The following ROCK2 variants were observed in gnomAD, a reference collection of about 807,000 sequenced individuals.
ROCK2 encodes the protein rho-associated protein kinase 2.
In ROCK2, 61 loss-of-function variants were observed where a neutral mutation model predicts 195.1. The observed-to-expected ratio is 0.31, with a 90% CI of 0.25 to 0.39. The LOEUF (loss-of-function observed/expected upper bound fraction) is 0.39, where lower values mean the gene tolerates loss of function less well. ROCK2 is among the 10% of genes least tolerant of loss of function. ROCK2 has a pLI of 1.00. For synonymous variants in ROCK2, 504 were observed against 545.5 expected, an observed-to-expected ratio of 0.92 and a Z score of 1.06; for missense variants, 1,109 against 1,637.4, an observed-to-expected ratio of 0.68 and a Z score of 5.57.
At chr2:11,342,193 C>T (rs533766092) in intron 1 of ROCK2, among the ~76,000 whole-genome samples, 59 of 152,262 alleles carry the variant, frequency 3.9e-4, no homozygotes, top group Non-Finnish European at 5.6e-4. Context: ...GCATATTTAA[C>T]CAACTAGAAA....
At chr2:11,224,823 G>A (rs796641205) in intron 6 of ROCK2, among the ~76,000 whole-genome samples, 15 of 151,938 alleles carry the variant, frequency 9.9e-5, no homozygotes, top group African/African-American at 3.6e-4. Flanking sequence ...TAATGCTTGG[G>A]CTGGATCAGC....
chr2:11,206,178 C>A (rs1664045440), intron 20 of ROCK2, among the ~76,000 whole-genome samples: 1 of 151,770 alleles, frequency 6.6e-6, no homozygotes, highest in African/African-American at 2.4e-5. Context: ...TTTAACCCTA[C>A]AATGAACACT....
At chr2:11,282,415 T>C (rs554255087) in intron 3 of ROCK2, among the ~76,000 whole-genome samples, 4 of 152,158 alleles carry the variant, frequency 2.6e-5, no homozygotes, top group Admixed American at 2.6e-4. Flanking sequence ...ATCCAACCTA[T>C]AGACTTACTA....
chr2:11,264,552 G>A (rs981239878), intron 3 of ROCK2, among the ~76,000 whole-genome samples: 1 of 152,102 alleles, frequency 6.6e-6, no homozygotes, highest in Non-Finnish European at 1.5e-5. Flanking sequence ...ACATTTTAGA[G>A]ATCTATGACA....
At chr2:11,234,109 AT>A (rs1434513430) in intron 5 of ROCK2, 15 of 152,238 alleles carry the variant, frequency 9.9e-5, no homozygotes, top group Admixed American at 7.2e-4. Flanking sequence ...TTTATTAAAA[AT>A]AATAAATAAA....
In ROCK2 at chr2:11,214,439, T is replaced by G; in HGVS notation, c.1961A>C (p.Asp654Ala). The G allele has an allele frequency of 1.2e-6, 2 of 1,609,002 alleles. No homozygotes were observed. The highest frequency in any genetic ancestry group is 1.7e-6 in the Non-Finnish European group (2 of 1,175,868). ...LQGRICGLEE[D>A]LKNGKILLAK... ...TAGTAAGATTTTGCCGTTCTTTAAA[T>G]CTTCTTCTAGGCCACATATTCTACC... The change falls in exon 17 of 33, where the codon GAT becomes GCT. Residue 654 changes from aspartate (D) to alanine (A), a missense_variant. Physicochemically the swap from Asp to Ala is moderately radical, Grantham distance 126 (BLOSUM62 -2). Coordinates refer to ENST00000315872, the MANE Select transcript of ROCK2 (RefSeq NM_004850.5).
intron 17 of ROCK2, 102 bp from the exon 18 acceptor site, chr2:11,211,942 GT>G: frequency 1.1e-6 from 1 of 872,470 alleles, no homozygotes; most frequent in Non-Finnish European, 1.6e-6. Context: ...GTCTTGCTCT[GT>G]TACCCAGGCT....
intron 27 of ROCK2, among the ~76,000 whole-genome samples, 191 bp downstream of exon 27, chr2:11,196,989 T>C (rs1354310921): frequency 6.6e-6 from 1 of 152,214 alleles, no homozygotes; most frequent in Non-Finnish European, 1.5e-5. Flanking sequence ...TGTATGTTTA[T>C]GAAAAACTTT....
intron 3 of ROCK2, among the ~76,000 whole-genome samples, chr2:11,263,753 T>C (rs1666319165): frequency 6.6e-6 from 1 of 151,650 alleles, no homozygotes; most frequent in African/African-American, 2.4e-5. Context: ...GTTAAAGTTT[T>C]TTTTTTTTTA....
Position 11,344,097 on chromosome 2 carries a change from G to C in ROCK2, c.40C>G (p.Pro14Ala). The C allele has an allele frequency of 2.0e-6, 3 of 1,513,118 alleles. No homozygotes were observed. In the African/African-American group the frequency reaches 4.6e-5, roughly 23 times the overall value. The allele number at this position is 1,513,118 out of a possible 1,614,324, so 93.7% of individuals were successfully genotyped here. A position where few individuals can be genotyped will look rare whatever the true frequency, so the allele number is the denominator to read the frequency against. The change falls in exon 1 of 33, where the codon CCC becomes GCC. Residue 14 changes from proline (P) to alanine (A), a missense_variant. By Grantham distance (27) the Pro-to-Ala change is conservative. This residue lies in a region of ROCK2 where 64 missense variants were observed against 62.4 expected (regional missense o/e 1.03). Coordinates refer to ENST00000315872, the MANE Select transcript of ROCK2 (RefSeq NM_004850.5). The surrounding 1 kb of genome is among the most constrained non-coding windows in gnomAD (Gnocchi z 5.4). ...GCCCCGTCCCCCGGCGCGGTCTCGGGGGCGCCGGGCATTTTCCCCGTCGGC... is the reference window on the plus strand; with the variant it reads ...GCCCCGTCCCCCGGCGCGGTCTCGGCGGCGCCGGGCATTTTCCCCGTCGGC... ...PPPTGKMPGA[P>A]ETAPGDGAGA...
At position 11,252,939 on chromosome 2, in the gene ROCK2, TATAATAATAATA is replaced by T. The variant is rs199970738; in HGVS notation, c.325-3153_325-3142del. Among the ~76,000 whole-genome samples, 477 of 143,332 alleles carry T rather than the reference TATAATAATAATA, an allele frequency of 3.3e-3. 2 individuals carry two copies. Among genetic ancestry groups the T allele is most frequent in the African/African-American group, 9.6e-3 (376 of 39,220 alleles). The allele number at this position is 143,332 out of a possible 152,430, so 94.0% of individuals were successfully genotyped here. On this transcript the variant is annotated intron_variant, in intron 3 of 32. Coordinates refer to ENST00000315872, the MANE Select transcript of ROCK2 (RefSeq NM_004850.5). ...GTGCATGTATCCCAGAACTTAAAAG[TATAATAATAATA>T]ATAATAATAATAATAATAATAATAA...
chr2:11,263,557 A>G (rs985586736), intron 3 of ROCK2, among the ~76,000 whole-genome samples: 11 of 151,840 alleles, frequency 7.2e-5, no homozygotes, highest in African/African-American at 2.7e-4. Flanking sequence ...TGTAAATGCC[A>G]AAAGTACTTG....
At chr2:11,268,251 C>G (rs755639758) in intron 3 of ROCK2, among the ~76,000 whole-genome samples, 1 of 152,012 alleles carries the variant, frequency 6.6e-6, no homozygotes, top group Non-Finnish European at 1.5e-5. Flanking sequence ...AAGTGGTGGT[C>G]AAGTCAGAAA....
At position 11,181,181 on chromosome 2, in the gene ROCK2, A is replaced by AT. The variant is rs1662971306; in HGVS notation, c.*2255_*2256insA. 1 of 136,160 alleles carries AT rather than the reference A, an allele frequency of 7.3e-6. No individual in the cohort carries two copies. Among genetic ancestry groups the AT allele is most frequent in the East Asian group, 2.1e-4 (1 of 4,796 alleles). The allele number at this position is 136,160 out of a possible 1,614,324, so 8.4% of individuals were successfully genotyped here. On this transcript the variant is annotated 3_prime_UTR_variant, in exon 33 of 33. Transcript: ENST00000315872. ...TTTCACCTTAATAAAGTTTATTAAA[A>AT]ATATATATATATATATATATATATA...
At chr2:11,237,105 T>C (rs1665237362) in intron 4 of ROCK2, among the ~76,000 whole-genome samples, 1 of 152,150 alleles carries the variant, frequency 6.6e-6, no homozygotes. Flanking sequence ...TGAGCTGAGA[T>C]TATACCATTG....
intron 17 of ROCK2, among the ~76,000 whole-genome samples, chr2:11,212,113 T>C (rs73175663): frequency 0.022 from 3,289 of 152,016 alleles, 114 homozygotes; most frequent in African/African-American, 0.074. Context: ...CAAGGTCTCA[T>C]TAAACACTGC....
At chr2:11,200,828 T>C (rs1572234115) in intron 23 of ROCK2, 129 bp downstream of exon 23, 6 of 727,808 alleles carry the variant, frequency 8.2e-6, no homozygotes, top group African/African-American at 1.8e-5. Context: ...GGCAGTTAAC[T>C]AGATTAAAAA....
At chr2:11,309,135 T>C (rs1667955599) in intron 1 of ROCK2, among the ~76,000 whole-genome samples, 1 of 151,992 alleles carries the variant, frequency 6.6e-6, no homozygotes. Flanking sequence ...AGGACTCCTT[T>C]GGATACAGGT....
At chr2:11,265,916 G>A (rs1030415700) in intron 3 of ROCK2, among the ~76,000 whole-genome samples, 3 of 123,930 alleles carry the variant, frequency 2.4e-5, no homozygotes, top group African/African-American at 1.0e-4. Flanking sequence ...GCAACACTGG[G>A]GGACCTTGTT....
Sources: gnomAD v4.1 joint callset for allele counts (sites outside exome capture counted in the v4.1 genomes callset) on GRCh38, gnomAD v4.1.1 for gene constraint, gnomAD v4.1.1 regional missense constraint, Gnocchi (gnomAD v3.1) non-coding constraint, MANE v1.5 for transcripts, NCBI Gene and HGNC (gene_info 2026-07-23, HGNC 2026-07-21) for gene names.